ANKS1B: variants seen among roughly 807,000 people sequenced by gnomAD.
The protein encoded by ANKS1B is ankyrin repeat and sterile alpha motif domain containing 1B, also known as ankyrin repeat and sterile alpha motif domain-containing protein 1B.
A neutral mutation model predicts 148.3 loss-of-function variants in ANKS1B; 36 were observed. The observed-to-expected ratio is 0.24, with a 90% CI of 0.19 to 0.32. The LOEUF (loss-of-function observed/expected upper bound fraction) is 0.32. Among genes scored for constraint, ANKS1B ranks in the 10% least tolerant of loss-of-function variants. ANKS1B has a pLI of 1.00. For synonymous variants in ANKS1B, 542 were observed against 560.8 expected, an observed-to-expected ratio of 0.97 and a Z score of 0.47; for missense variants, 1,157 against 1,542.6, an observed-to-expected ratio of 0.75 and a Z score of 4.19.
At chr12:98,765,844 C>A (rs1386627709) in intron 25 of ANKS1B, among the ~76,000 whole-genome samples, 12 of 152,212 alleles carry the variant, frequency 7.9e-5, no homozygotes, top group Admixed American at 7.8e-4. Flanking sequence ...GATCCGCCTG[C>A]CTTGGTTTCC....
At chr12:99,477,223 C>T (rs2096338699) in intron 10 of ANKS1B, among the ~76,000 whole-genome samples, 2 of 152,104 alleles carry the variant, frequency 1.3e-5, no homozygotes, top group Admixed American at 6.5e-5. Flanking sequence ...ACCAGGAAAG[C>T]GGATCACTGG....
At chr12:99,598,990 T>C (rs1291228767) in intron 9 of ANKS1B, among the ~76,000 whole-genome samples, 6 of 151,992 alleles carry the variant, frequency 3.9e-5, no homozygotes, top group Non-Finnish European at 8.8e-5. Flanking sequence ...CAGCTTCTGG[T>C]GACTGCCAGC....
rs541197521 is a variant in ANKS1B at position 99,135,944 on chromosome 12, G to A, written c.2526+18345C>T. ...CAGTCTCAGAGAACAGCCCAGCTTC[G>A]GACAGGAAGACTAAGGAGATGGGTC... On this transcript the variant is annotated intron_variant, in intron 15 of 26. Coordinates refer to ENST00000683438, the MANE Select transcript of ANKS1B (RefSeq NM_001352186.2). Among the ~76,000 whole-genome samples, 55 of 152,120 alleles carry A rather than the reference G, an allele frequency of 3.6e-4. 1 individual carries two copies. Among genetic ancestry groups the A allele is most frequent in the African/African-American group, 1.2e-3 (49 of 41,486 alleles).
At chr12:99,518,995 G>C (rs1002020056) in intron 9 of ANKS1B, among the ~76,000 whole-genome samples, 26 of 151,906 alleles carry the variant, frequency 1.7e-4, no homozygotes, top group Non-Finnish European at 3.7e-4. Context: ...GGTCATTTCA[G>C]GGCATATTGT....
At chr12:99,608,301 T>C (rs543872521) in intron 9 of ANKS1B, among the ~76,000 whole-genome samples, 73 of 152,184 alleles carry the variant, frequency 4.8e-4, no homozygotes, top group Middle Eastern at 6.8e-3. Flanking sequence ...CATCAAATTG[T>C]GGCTTTGGCT....
chr12:99,814,341 A>G (rs552507156), intron 2 of ANKS1B, among the ~76,000 whole-genome samples: 1 of 151,920 alleles, frequency 6.6e-6, no homozygotes, highest in East Asian at 1.9e-4. Context: ...ATCATAAAAA[A>G]GAATTCACTC....
chr12:99,472,768 C>A (rs549317897), intron 10 of ANKS1B, among the ~76,000 whole-genome samples: 1 of 151,990 alleles, frequency 6.6e-6, no homozygotes, highest in Non-Finnish European at 1.5e-5. Context: ...GAGTTTCATG[C>A]AGCATTTAAG....
chr12:98,932,475 A>G (rs1161139201), intron 17 of ANKS1B, among the ~76,000 whole-genome samples: 1 of 152,184 alleles, frequency 6.6e-6, no homozygotes, highest in Non-Finnish European at 1.5e-5. Flanking sequence ...AGGAGTGGCA[A>G]GCGGCGAAGA....
chr12:99,285,697 C>G (rs570555165), intron 12 of ANKS1B, among the ~76,000 whole-genome samples: 8 of 152,250 alleles, frequency 5.3e-5, no homozygotes, highest in African/African-American at 1.9e-4. Context: ...GGCGCCACCC[C>G]TCCCTCATCC....
intron 8 of ANKS1B, among the ~76,000 whole-genome samples, chr12:99,658,524 TG>T (rs1010442605): frequency 6.6e-6 from 1 of 152,100 alleles, no homozygotes; most frequent in African/African-American, 2.4e-5. Flanking sequence ...TGCAAATGTT[TG>T]CATTTGGTAT....
intron 16 of ANKS1B, among the ~76,000 whole-genome samples, chr12:99,054,929 T>C (rs1017709839): frequency 1.1e-4 from 16 of 152,242 alleles, no homozygotes; most frequent in Admixed American, 9.2e-4. Context: ...GTACTTCACT[T>C]TTACATTGAC....
At chr12:99,102,766 A>T (rs2058266795) in intron 15 of ANKS1B, among the ~76,000 whole-genome samples, 2 of 152,024 alleles carry the variant, frequency 1.3e-5, no homozygotes, top group South Asian at 4.2e-4. Flanking sequence ...ACTAAAAAGA[A>T]TAGGAGACTC....
intron 8 of ANKS1B, among the ~76,000 whole-genome samples, chr12:99,715,042 T>C (rs1373281332): frequency 6.6e-6 from 1 of 151,346 alleles, no homozygotes; most frequent in Non-Finnish European, 1.5e-5. Flanking sequence ...GGCAGGAGAA[T>C]AGCTTGAACC....
At chr12:99,227,391 T>C (rs918258309) in intron 14 of ANKS1B, among the ~76,000 whole-genome samples, 5 of 152,174 alleles carry the variant, frequency 3.3e-5, no homozygotes, top group Non-Finnish European at 7.3e-5. Flanking sequence ...TGCAGAACCG[T>C]GAGCCAATTA....
At chr12:98,780,812 G>A (rs1294604484) in intron 24 of ANKS1B, among the ~76,000 whole-genome samples, 4 of 152,124 alleles carry the variant, frequency 2.6e-5, no homozygotes, top group African/African-American at 9.6e-5. Flanking sequence ...AGATCCAAAG[G>A]GACATGCTGG....
intron 9 of ANKS1B, among the ~76,000 whole-genome samples, chr12:99,578,929 C>G (rs1183085293): frequency 6.6e-6 from 1 of 152,044 alleles, no homozygotes; most frequent in Non-Finnish European, 1.5e-5. Context: ...CAGTGACATA[C>G]ATTACCTGAC....
At chr12:99,346,776 T>G (rs2152361316) in intron 12 of ANKS1B, among the ~76,000 whole-genome samples, 1 of 152,032 alleles carries the variant, frequency 6.6e-6, no homozygotes, top group South Asian at 2.1e-4. Context: ...TCTGGTTGTT[T>G]AAAATGTGTA....
At chr12:99,872,899 C>T (rs375471229) in intron 1 of ANKS1B, among the ~76,000 whole-genome samples, 5 of 151,988 alleles carry the variant, frequency 3.3e-5, no homozygotes, top group African/African-American at 1.2e-4. Flanking sequence ...CAATTGTTTC[C>T]AACACTAGAT....
chr12:99,695,694 A>G (rs1414615608), intron 8 of ANKS1B, among the ~76,000 whole-genome samples: 3 of 152,124 alleles, frequency 2.0e-5, no homozygotes, highest in Non-Finnish European at 4.4e-5. Context: ...ATACACGGAC[A>G]CAGGGAGGGG....
Sources: allele counts gnomAD v4.1 joint callset (sites outside exome capture counted in the v4.1 genomes callset), GRCh38; gene constraint gnomAD v4.1.1; transcripts MANE v1.5; gene names NCBI Gene and HGNC (gene_info 2026-07-23, HGNC 2026-07-21).